Variants in CCSER1 observed in about 807,000 individuals in gnomAD.
CCSER1 encodes serine-rich coiled-coil domain-containing protein 1.
Under a neutral mutation model 82.0 loss-of-function variants are expected in CCSER1, and 41 were observed. The observed-to-expected ratio is 0.50, with a 90% CI of 0.39 to 0.65. The LOEUF is 0.65. CCSER1 is among the 30% of genes least tolerant of loss of function. The probability of loss-of-function intolerance (pLI) is 0.00; values close to 1 mark genes in which losing one functional copy is unlikely to be tolerated. For synonymous variants in CCSER1, 414 were observed against 383.9 expected (o/e 1.08, Z -0.92); for missense variants, 1,119 against 1,064.2 (o/e 1.05, Z -0.72).
At chr4:91,168,560 A>G (rs1451250744) in intron 10 of CCSER1, among the ~76,000 whole-genome samples, 21 of 112,744 alleles carry the variant, frequency 1.9e-4, no homozygotes, top group East Asian at 3.0e-4. Flanking sequence ...GCTGCCCATC[A>G]TCTGGGAATT....
At chr4:91,187,538 A>G (rs1734658076) in intron 10 of CCSER1, among the ~76,000 whole-genome samples, 1 of 87,888 alleles carries the variant, frequency 1.1e-5, no homozygotes, top group South Asian at 3.2e-4. Context: ...AGAAATCAAT[A>G]AATTTGTTTT....
At chr4:91,574,861 C>T (rs1376345791) in intron 10 of CCSER1, among the ~76,000 whole-genome samples, 1 of 151,560 alleles carries the variant, frequency 6.6e-6, no homozygotes, top group Non-Finnish European at 1.5e-5. Context: ...ATGTAACAAA[C>T]CTGCACATGT....
chr4:90,198,129 T>C (rs758142937), intron 1 of CCSER1, among the ~76,000 whole-genome samples: 1 of 151,970 alleles, frequency 6.6e-6, no homozygotes, highest in Non-Finnish European at 1.5e-5. Flanking sequence ...TTATTTGGAG[T>C]CTTCATTACC....
intron 5 of CCSER1, among the ~76,000 whole-genome samples, chr4:90,566,050 A>G (rs1386124329): frequency 7.3e-6 from 1 of 137,224 alleles, no homozygotes. Flanking sequence ...TTTTTTTTTT[A>G]GTGGACCATG....
At chr4:90,311,777 A>C (rs974713014) in intron 2 of CCSER1, among the ~76,000 whole-genome samples, 1 of 152,222 alleles carries the variant, frequency 6.6e-6, no homozygotes, top group African/African-American at 2.4e-5. Flanking sequence ...ATATTGGACT[A>C]ATAGATTCTG....
At chr4:91,584,109 T>C (rs1763870258) in intron 10 of CCSER1, among the ~76,000 whole-genome samples, 1 of 151,500 alleles carries the variant, frequency 6.6e-6, no homozygotes, top group African/African-American at 2.4e-5. Flanking sequence ...CTTTATTCAT[T>C]TTTTGTTCAA....
intron 10 of CCSER1, among the ~76,000 whole-genome samples, chr4:91,284,397 A>G (rs1264808507): frequency 6.6e-6 from 1 of 152,096 alleles, no homozygotes; most frequent in Non-Finnish European, 1.5e-5. Context: ...AAATTAATCT[A>G]TAAATGTTTA....
chr4:90,946,648 TAG>T (rs1379772098), intron 9 of CCSER1, among the ~76,000 whole-genome samples: 2 of 146,350 alleles, frequency 1.4e-5, no homozygotes, highest in African/African-American at 4.9e-5. Flanking sequence ...AAAGAGATTA[TAG>T]AGGAGTAAAT....
chr4:91,555,682 A>T (rs941863388), intron 10 of CCSER1, among the ~76,000 whole-genome samples: 2 of 151,250 alleles, frequency 1.3e-5, no homozygotes, highest in African/African-American at 4.9e-5. Flanking sequence ...ACAAAGCCTT[A>T]TTTGAGAAAA....
intron 7 of CCSER1, among the ~76,000 whole-genome samples, chr4:90,741,486 G>A (rs1427324403): frequency 1.3e-5 from 2 of 152,042 alleles, no homozygotes; most frequent in African/African-American, 4.8e-5. Context: ...CAATATTAAG[G>A]TTTTAAAATA....
chr4:91,231,000 C>T (rs1738584681), intron 10 of CCSER1, among the ~76,000 whole-genome samples: 1 of 151,782 alleles, frequency 6.6e-6, no homozygotes, highest in African/African-American at 2.4e-5. Context: ...AAAACACTCA[C>T]ATATTCCTAG....
intron 9 of CCSER1, among the ~76,000 whole-genome samples, chr4:90,969,531 C>G (rs974179967): frequency 6.6e-6 from 1 of 151,790 alleles, no homozygotes; most frequent in Non-Finnish European, 1.5e-5. Flanking sequence ...GACTGCCAAC[C>G]AAGATACTAC....
chr4:90,500,416 C>T (rs1275516379), intron 5 of CCSER1, among the ~76,000 whole-genome samples: 1 of 152,132 alleles, frequency 6.6e-6, no homozygotes, highest in African/African-American at 2.4e-5. Context: ...ACTGCAACTT[C>T]CATCTCCCAG....
At chr4:91,301,099 G>A (rs11732712) in intron 10 of CCSER1, among the ~76,000 whole-genome samples, 59,107 of 151,572 alleles carry the variant, frequency 0.39, 11,807 homozygotes, top group African/African-American at 0.45. Context: ...TACATAATAT[G>A]CACAATTTAC....
intron 10 of CCSER1, among the ~76,000 whole-genome samples, chr4:91,536,743 C>T (rs1278925651): frequency 6.6e-6 from 1 of 152,128 alleles, no homozygotes; most frequent in Non-Finnish European, 1.5e-5. Flanking sequence ...GCTCACTTCT[C>T]TTCAAAGAAT....
intron 3 of CCSER1, among the ~76,000 whole-genome samples, chr4:90,363,889 T>A (rs947386771): frequency 6.6e-6 from 1 of 152,282 alleles, no homozygotes. Flanking sequence ...AAGATGGGAT[T>A]ATATTCTGTA....
chr4:90,863,091 C>A (rs902266344), intron 8 of CCSER1, among the ~76,000 whole-genome samples: 1 of 150,540 alleles, frequency 6.6e-6, no homozygotes, highest in Non-Finnish European at 1.5e-5. Context: ...CCTCCCCGCT[C>A]CCCCCACCCC....
At chr4:91,035,296 A>G (rs1037666699) in intron 9 of CCSER1, among the ~76,000 whole-genome samples, 9 of 152,178 alleles carry the variant, frequency 5.9e-5, no homozygotes, top group Non-Finnish European at 1.3e-4. Flanking sequence ...ACATACAAGA[A>G]AGAAAAGATG....
At chr4:91,256,163 C>T (rs369287224) in intron 10 of CCSER1, among the ~76,000 whole-genome samples, 9 of 152,114 alleles carry the variant, frequency 5.9e-5, no homozygotes, top group South Asian at 2.1e-4. Context: ...CTAAAATGGC[C>T]GCTCTTGGAG....
Sources: allele counts gnomAD v4.1 joint callset (sites outside exome capture counted in the v4.1 genomes callset), GRCh38; gene constraint gnomAD v4.1.1; transcripts MANE v1.5; gene names NCBI Gene and HGNC (gene_info 2026-07-23, HGNC 2026-07-21).